The following PIEZO1 variants were observed in gnomAD, a reference collection of about 807,000 sequenced individuals.
PIEZO1 encodes piezo type mechanosensitive ion channel component 1 (Er blood group).
A neutral mutation model predicts 297.2 loss-of-function variants in PIEZO1; 296 were observed. The ratio of observed to expected loss-of-function variants is 1.00; its 90% CI spans 0.91 to 1.10. The LOEUF (loss-of-function observed/expected upper bound fraction) is 1.10, where lower values mean the gene tolerates loss of function less well. PIEZO1 is among the 50% of genes least tolerant of loss of function. The pLI is 0.00. For missense variants in PIEZO1, 5,018 were observed against 3,455.5 expected, an observed-to-expected ratio of 1.45 and a Z score of -11.34; for synonymous variants, 2,427 against 1,507.5, an observed-to-expected ratio of 1.61 and a Z score of -14.13.
intron 1 of PIEZO1, among the ~76,000 whole-genome samples, chr16:88,754,401 T>C (rs867309406): frequency 7.9e-5 from 12 of 152,148 alleles, no homozygotes; most frequent in African/African-American, 1.2e-4. Context: ...CACTGGCACA[T>C]AGGAAGACCT....
At chr16:88,753,647 C>T (rs935911406) in intron 1 of PIEZO1, among the ~76,000 whole-genome samples, 10 of 152,144 alleles carry the variant, frequency 6.6e-5, no homozygotes, top group African/African-American at 1.7e-4. Flanking sequence ...GACCCAGGTC[C>T]GGGCATCCCG....
Position 88,752,317 on chromosome 16 carries a change from C to CA in PIEZO1, c.65-2839dup, listed in dbSNP as rs969737451. Among the ~76,000 whole-genome samples, 9 of 152,054 alleles carry CA rather than the reference C, an allele frequency of 5.9e-5. 1 individual carries two copies. In the East Asian group the frequency reaches 7.7e-4, roughly 13 times the overall value. ...AGGCAACACAGAGACCCCATCTCTA[C>CA]AAAAAAATTCAAAAATTAGCCGGGG... On this transcript the variant is annotated intron_variant, in intron 1 of 50. Coordinates refer to ENST00000301015, the MANE Select transcript of PIEZO1 (RefSeq NM_001142864.4).
chr16:88,777,869 G>A (rs1176946983), intron 1 of PIEZO1, among the ~76,000 whole-genome samples: 1 of 152,038 alleles, frequency 6.6e-6, no homozygotes, highest in Non-Finnish European at 1.5e-5. Context: ...CTTCCTTCGA[G>A]GCTCCTCCCG....
chr16:88,779,903 C>CG (rs749848923), intron 1 of PIEZO1, among the ~76,000 whole-genome samples: 203 of 152,270 alleles, frequency 1.3e-3, no homozygotes, highest in Admixed American at 2.4e-3. Flanking sequence ...CTGAGCCTTC[C>CG]GGGGGGGACG....
intron 1 of PIEZO1, among the ~76,000 whole-genome samples, chr16:88,778,915 G>T (rs1023137646): frequency 7.9e-5 from 12 of 152,186 alleles, no homozygotes; most frequent in Non-Finnish European, 1.3e-4. Context: ...CTGGGAGAGA[G>T]ACCCAGAGAG....
intron 1 of PIEZO1, among the ~76,000 whole-genome samples, chr16:88,762,902 C>A (rs1024560812): frequency 6.6e-6 from 1 of 152,186 alleles, no homozygotes; most frequent in African/African-American, 2.4e-5. Context: ...TTCCTGAGAC[C>A]CCCAGTCCCC....
chr16:88,767,786 A>ACCCTG (rs1427802193), intron 1 of PIEZO1, among the ~76,000 whole-genome samples: 1 of 151,254 alleles, frequency 6.6e-6, no homozygotes, highest in Non-Finnish European at 1.5e-5. Flanking sequence ...GGGTGACCCC[A>ACCCTG]CCCTGCCCTG....
rs764665558 is a variant in PIEZO1, at chr16:88,722,317, C to A, written c.4856G>T (p.Ser1619Ile). 13 of 1,547,006 alleles carry A rather than the reference C, an allele frequency of 8.4e-6. No individual in the cohort carries two copies. The highest frequency in any genetic ancestry group is 1.0e-5 in the Non-Finnish European group (12 of 1,145,870). Residue 1619 changes from serine to isoleucine, a missense_variant, in exon 36 of 51, where the codon AGT becomes ATT. Physicochemically the swap from Ser to Ile is moderately radical, Grantham distance 142 (BLOSUM62 -2). Transcript: ENST00000301015. ...GTCGGTGACTGCCTCCTCACTGCCA[C>A]TGCGCGTGTGGTAGCCGGTGCTCAG... Reference protein sequence around the residue: ...SPLSTGYHTRSGSEEAVTDPG... With the variant: ...SPLSTGYHTRIGSEEAVTDPG...
At position 88,715,817 on chromosome 16, in the gene PIEZO1, C is replaced by T. The variant is rs531058403; in HGVS notation, c.7354G>A (p.Gly2452Ser). ...GLYVSIVLVI[G>S]KFVRGFFSEI... ...CTGAAGAATCCGCGCACGAACTTGCCGATGACCAGCACGATGGACACGTAC... is the reference window on the plus strand; with the variant it reads ...CTGAAGAATCCGCGCACGAACTTGCTGATGACCAGCACGATGGACACGTAC... Residue 2452 changes from glycine to serine, a missense_variant, in exon 51 of 51, where the codon GGC (glycine) becomes AGC (serine). Physicochemically the swap from Gly to Ser is moderately conservative, Grantham distance 56. Coordinates refer to ENST00000301015, the MANE Select transcript of PIEZO1 (RefSeq NM_001142864.4). The T allele has an allele frequency of 2.3e-5, 36 of 1,550,286 alleles. No individual in the cohort carries two copies. In the South Asian group the frequency reaches 2.4e-4, roughly 10 times the overall value.
chr16:88,742,346 G>A lies in PIEZO1; in HGVS notation c.237C>T (p.Ile79=), dbSNP rs1238329733. The change falls in exon 3 of 51, where the codon ATC becomes ATT. Residue 79 remains isoleucine, a synonymous_variant. Transcript: ENST00000301015. ...LFLVAHLALQ[I]CLHIVPRLDQ... ...CCAGGCGGGGCACAATATGCAGGCA[G>A]ATCTGGAGGGCGAGATGGGCCACCA... The A allele has an allele frequency of 3.3e-6, 5 of 1,535,472 alleles. No individual in the cohort carries two copies. Among genetic ancestry groups the A allele is most frequent in the Non-Finnish European group, 1.7e-6 (2 of 1,146,630 alleles).
At position 88,736,240 on chromosome 16, in the gene PIEZO1, G is replaced by C. The variant is rs59550107; in HGVS notation, c.1465C>G (p.Arg489Gly). 803 of 1,550,058 alleles carry C rather than the reference G, an allele frequency of 5.2e-4. 14 individuals are homozygous for C. The East Asian group carries it at 0.015, about 28-fold the overall frequency. Residue 489 changes from arginine to glycine, a missense_variant, in exon 12 of 51, where the codon CGC becomes GGC. By Grantham distance (125) the Arg-to-Gly change is moderately radical. Coordinates refer to ENST00000301015, the MANE Select transcript of PIEZO1 (RefSeq NM_001142864.4). ...CCCAGGGTGGTGGGCAGCTCAGGGC[G>C]CAGGTCCATGGCCCACACGTAGCGT... The part of the protein sequence containing the change: ...CLRYVWAMDL[R>G]PELPTTLGPV...
rs190092326 is a variant in PIEZO1 at position 88,774,295 on chromosome 16, G to T, written c.64+10606C>A. Among the ~76,000 whole-genome samples the T allele has an allele frequency of 2.8e-3, 433 of 152,360 alleles. 4 individuals carry two copies. Among genetic ancestry groups the T allele is most frequent in the African/African-American group, 0.01 (417 of 41,580 alleles). On this transcript the variant is annotated intron_variant, in intron 1 of 50. Transcript: ENST00000301015. Reference sequence around the variant, plus strand: ...AATCCCAGCTACTCAGGAGGCTGAGGCATGAGAATCGCTTGAACCCGGGAG... The same window carrying T: ...AATCCCAGCTACTCAGGAGGCTGAGTCATGAGAATCGCTTGAACCCGGGAG...
chr16:88,722,337 G>T lies in PIEZO1; in HGVS notation c.4836C>A (p.Ser1612Arg). The T allele has an allele frequency of 6.5e-7, 1 of 1,540,512 alleles. No individual in the cohort carries two copies. The highest frequency in any genetic ancestry group is 8.8e-7 in the Non-Finnish European group (1 of 1,142,602). The stretch of plus-strand genomic sequence containing the variant: ...TGCCACTGCGCGTGTGGTAGCCGGT[G>T]CTCAGGGGGCTGCCCATGTCGTCTG... Reference protein sequence around the residue: ...SMTDDMGSPLSTGYHTRSGSE... With the variant: ...SMTDDMGSPLRTGYHTRSGSE... The change falls in exon 36 of 51, where the codon AGC becomes AGA. Residue 1612 changes from serine to arginine, a missense_variant. Transcript: ENST00000301015.
At chr16:88,745,187 ACCCAGTGGGTCTCCTGC>A (rs1905967280) in intron 2 of PIEZO1, 1 of 151,622 alleles carries the variant, frequency 6.6e-6, no homozygotes, top group Non-Finnish European at 1.5e-5. Context: ...AGCCCAGGAG[ACCCAGTGGGTCTCCTGC>A]CCCCGACTCC....
chr16:88,736,889 T>G, intron 10 of PIEZO1, 150 bp from the exon 11 acceptor site: 2 of 528,940 alleles, frequency 3.8e-6, no homozygotes, highest in Non-Finnish European at 6.7e-6. Flanking sequence ...GCTCCGGCAA[T>G]TGGGCTGACA....
chr16:88,734,578 A>G (rs1269060938), intron 15 of PIEZO1, 40 bp from the exon 16 acceptor site: 3 of 1,545,704 alleles, frequency 1.9e-6, no homozygotes, highest in African/African-American at 2.7e-5. Flanking sequence ...GGCCCCCGGC[A>G]GAGCCGCTGC....
chr16:88,738,800 C>G (rs1905438640), intron 5 of PIEZO1, 64 bp from the exon 6 acceptor site: 9 of 1,419,534 alleles, frequency 6.3e-6, no homozygotes, highest in Non-Finnish European at 8.5e-6. Flanking sequence ...CTCCAGCCCA[C>G]ACCTGCCCAG....
rs1183227041 is a variant in PIEZO1, at chr16:88,737,650, T to A, written c.1108-4A>T. The A allele has an allele frequency of 6.5e-7, 1 of 1,534,534 alleles. No homozygotes were observed. The highest frequency in any genetic ancestry group is 1.2e-5 in the South Asian group (1 of 84,010). On this transcript the variant is annotated splice_polypyrimidine_tract_variant and splice_region_variant and intron_variant, in intron 9 of 50. Coordinates refer to ENST00000301015, the MANE Select transcript of PIEZO1 (RefSeq NM_001142864.4). ...CGGGTGCTGTGGGCACCACGTGCTG[T>A]GGGCAAGCAGCGCTGAGCCATGCAC...
In PIEZO1 at chr16:88,749,370, T is replaced by A; in HGVS notation, c.160+14A>T. ...TCCCACCCTGAGAGCGTGGGCAGGG[T>A]CCCCTGGCCTTACCTTGGAGGCCGC... On this transcript the variant is annotated intron_variant, in intron 2 of 50. Coordinates refer to ENST00000301015, the MANE Select transcript of PIEZO1 (RefSeq NM_001142864.4). 1 of 1,460,360 alleles carries A rather than the reference T, an allele frequency of 6.8e-7. No homozygotes were observed. Among genetic ancestry groups the A allele is most frequent in the Non-Finnish European group, 9.0e-7 (1 of 1,112,592 alleles). 90.5% of individuals were successfully genotyped at this position (1,460,360 alleles called of 1,614,324 possible). A position where few individuals can be genotyped will look rare whatever the true frequency, so the allele number is the denominator to read the frequency against.
Sources: allele counts gnomAD v4.1 joint callset (sites outside exome capture counted in the v4.1 genomes callset), GRCh38; gene constraint gnomAD v4.1.1; transcripts MANE v1.5; gene names NCBI Gene and HGNC (gene_info 2026-07-23, HGNC 2026-07-21).